Variants in UFL1 observed in about 807,000 individuals in gnomAD.
The protein encoded by UFL1 is UFM1 specific ligase 1.
In UFL1, 78 loss-of-function variants were observed where a neutral mutation model predicts 99.3. The observed-to-expected ratio is 0.79, with a 90% confidence interval of 0.65 to 0.95. The LOEUF is 0.95. Ranked by LOEUF, UFL1 falls within the 40% of genes least tolerant of loss-of-function variation. UFL1 has a pLI of 0.00. For synonymous variants in UFL1, 335 were observed against 322.2 expected (o/e 1.04, Z -0.42); for missense variants, 936 against 937.0 (o/e 1.00, Z 0.01).
intron 7 of UFL1, 83 bp downstream of exon 7, chr6:96,534,404 C>A: frequency 9.0e-7 from 1 of 1,114,376 alleles, no homozygotes; most frequent in Non-Finnish European, 1.2e-6. Flanking sequence ...AATGTTTTTT[C>A]CTCTTTTATT....
At chr6:96,522,383 C>A (rs1370279142) in intron 1 of UFL1, among the ~76,000 whole-genome samples, 1 of 152,116 alleles carries the variant, frequency 6.6e-6, no homozygotes. Flanking sequence ...GTATGTTGAT[C>A]CTTAAAACTT....
Position 96,549,996 on chromosome 6 carries a change from T to C in UFL1, c.1818+197T>C, listed in dbSNP as rs144795670. ...AGGATTGGTAGTATAACTAGTCTGT[T>C]AAAAGTAATGATGCTTAATTACTTT... On this transcript the variant is annotated intron_variant, in intron 15 of 18. Coordinates refer to ENST00000369278, the MANE Select transcript of UFL1 (RefSeq NM_015323.5). 1.3e-3 allele frequency among the ~76,000 whole-genome samples: 201 copies of C among 152,040 alleles called. 1 individual carries two copies. The highest frequency in any genetic ancestry group is 4.7e-3 in the African/African-American group (194 of 41,536).
intron 10 of UFL1, among the ~76,000 whole-genome samples, chr6:96,539,358 G>A (rs951902571): frequency 6.6e-5 from 10 of 151,596 alleles, no homozygotes; most frequent in Admixed American, 4.6e-4. Flanking sequence ...CTAGTTGGCA[G>A]CATCATCTCC....
At chr6:96,535,053 A>G (rs1769834132) in intron 7 of UFL1, among the ~76,000 whole-genome samples, 1 of 152,014 alleles carries the variant, frequency 6.6e-6, no homozygotes, top group African/African-American at 2.4e-5. Flanking sequence ...TAATTTCATT[A>G]TAATGTAAAG....
Position 96,540,605 on chromosome 6 carries a change from T to C in UFL1, c.1229T>C (p.Val410Ala). The change falls in exon 11 of 19, where the codon GTT becomes GCT. Residue 410 changes from valine (V) to alanine (A), a missense_variant. Physicochemically the swap from Val to Ala is moderately conservative, Grantham distance 64. Transcript: ENST00000369278. ...DLKQISTLES[V>A]STSKKDKKDE... The stretch of plus-strand genomic sequence containing the variant: ...AAACAAATCTCCACTTTAGAAAGCG[T>C]TAGTACAAGTAAAAAGGATAAAAAA... 1.2e-6 allele frequency: 2 copies of C among 1,606,970 alleles called. No homozygotes were observed. Among genetic ancestry groups the C allele is most frequent in the Non-Finnish European group, 1.7e-6 (2 of 1,176,452 alleles).
chr6:96,531,576 G>C (rs1329295624), intron 6 of UFL1, among the ~76,000 whole-genome samples: 2 of 152,166 alleles, frequency 1.3e-5, no homozygotes, highest in Non-Finnish European at 2.9e-5. Context: ...ACAAGAAATG[G>C]GTGGTTGTTT....
At chr6:96,535,957 T>C (rs1769846743) in intron 7 of UFL1, among the ~76,000 whole-genome samples, 1 of 152,062 alleles carries the variant, frequency 6.6e-6, no homozygotes, top group South Asian at 2.1e-4. Flanking sequence ...TCACCAAAAT[T>C]ACTCAAACTA....
At chr6:96,541,701 A>C (rs1769933912) in intron 11 of UFL1, among the ~76,000 whole-genome samples, 1 of 151,244 alleles carries the variant, frequency 6.6e-6, no homozygotes. Context: ...TACTCAATTG[A>C]TGACTTATGT....
chr6:96,553,328 A>C lies in UFL1; in HGVS notation c.2210A>C (p.Lys737Thr). 1 of 1,613,792 alleles carries C rather than the reference A, an allele frequency of 6.2e-7. No individual in the cohort carries two copies. Among genetic ancestry groups the C allele is most frequent in the African/African-American group, 1.3e-5 (1 of 75,022 alleles). ...LLVKYQGLVV[K>T]QLVSQSKKTG... ...GTAAAGTATCAAGGTTTGGTTGTAA[A>C]GCAGCTAGTCAGTCAAAGTAAGAAG... Residue 737 changes from lysine to threonine, a missense_variant, in exon 19 of 19, where the codon AAG (lysine) becomes ACG (threonine). Transcript: ENST00000369278.
chr6:96,525,600 A>G (rs1769686904), intron 4 of UFL1, among the ~76,000 whole-genome samples: 1 of 151,898 alleles, frequency 6.6e-6, no homozygotes, highest in Non-Finnish European at 1.5e-5. Flanking sequence ...CCAGCTACTC[A>G]GAAGGCTGAG....
In UFL1 at chr6:96,549,290, T is replaced by C. The variant is rs976303932; in HGVS notation, c.1521-122T>C. 1.7e-5 allele frequency: 13 copies of C among 756,708 alleles called. 1 individual carries two copies. The South Asian group carries it at 3.9e-4, about 23-fold the overall frequency. The allele number at this position is 756,708 out of a possible 1,614,324, so 46.9% of individuals were successfully genotyped here. ...TAGTGAACTTGTCTCCAAATTAATT[T>C]TATTTGCATAAAAAAATAGAGATTT... On this transcript the variant is annotated intron_variant, in intron 13 of 18. Coordinates refer to ENST00000369278, the MANE Select transcript of UFL1 (RefSeq NM_015323.5).
intron 12 of UFL1, among the ~76,000 whole-genome samples, chr6:96,545,379 T>C (rs1769985393): frequency 6.6e-6 from 1 of 151,126 alleles, no homozygotes; most frequent in African/African-American, 2.4e-5. Flanking sequence ...CAGTTAGCTA[T>C]TATTTTCATT....
At chr6:96,549,106 T>C (rs1275401606) in intron 13 of UFL1, among the ~76,000 whole-genome samples, 5 of 151,678 alleles carry the variant, frequency 3.3e-5, no homozygotes, top group Non-Finnish European at 5.9e-5. Context: ...GAAGAACAGA[T>C]TTATAGTCTA....
intron 15 of UFL1, 35 bp from the exon 16 acceptor site, chr6:96,551,398 C>A: frequency 8.5e-7 from 1 of 1,179,242 alleles, no homozygotes; most frequent in Non-Finnish European, 1.2e-6. Context: ...ATGTCAAAAG[C>A]ACAGTACTGA....
chr6:96,543,664 A>G (rs1769961333), intron 12 of UFL1, among the ~76,000 whole-genome samples: 1 of 151,152 alleles, frequency 6.6e-6, no homozygotes, highest in African/African-American at 2.4e-5. Context: ...AAAGTGGGGA[A>G]AAACTTCACA....
Position 96,538,668 on chromosome 6 carries a change from C to T in UFL1, c.1016C>T (p.Ala339Val). ...ACTTCTTTATCAGTTGAAGATGCTG[C>T]CATATTGCTTCAGCAGGTGATGAGG... ...LPTSLSVEDA[A>V]ILLQQVMRAF... The change falls in exon 10 of 19, where the codon GCC becomes GTC. Residue 339 changes from alanine (A) to valine (V), a missense_variant. By Grantham distance (64) the Ala-to-Val change is moderately conservative (BLOSUM62 0). Transcript: ENST00000369278. 1.2e-6 allele frequency: 2 copies of T among 1,611,264 alleles called. No individual in the cohort carries two copies. The highest frequency in any genetic ancestry group is 8.5e-7 in the Non-Finnish European group (1 of 1,178,112).
At chr6:96,539,364 T>G (rs1769899851) in intron 10 of UFL1, among the ~76,000 whole-genome samples, 1 of 151,590 alleles carries the variant, frequency 6.6e-6, no homozygotes, top group African/African-American at 2.4e-5. Flanking sequence ...GGCAGCATCA[T>G]CTCCTTATAA....
At chr6:96,536,716 CATTT>C (rs1416470182) in intron 8 of UFL1, among the ~76,000 whole-genome samples, 5 of 151,560 alleles carry the variant, frequency 3.3e-5, no homozygotes, top group Non-Finnish European at 5.9e-5. Flanking sequence ...CTTTCAGTTA[CATTT>C]ATTAAGATGG....
intron 4 of UFL1, 122 bp downstream of exon 4, chr6:96,525,516 G>C: frequency 1.4e-6 from 1 of 740,358 alleles, no homozygotes; most frequent in Non-Finnish European, 2.3e-6. Context: ...TTACAGTGTT[G>C]ATTTTCATGA....
Sources: allele counts gnomAD v4.1 joint callset (sites outside exome capture counted in the v4.1 genomes callset), GRCh38; gene constraint gnomAD v4.1.1; transcripts MANE v1.5; gene names NCBI Gene and HGNC (gene_info 2026-07-23, HGNC 2026-07-21).